The following DYNC2H1 variants were observed in gnomAD, a reference collection of about 807,000 sequenced individuals.
The protein encoded by DYNC2H1 is cytoplasmic dynein 2 heavy chain 1.
A neutral mutation model predicts 570.0 loss-of-function variants in DYNC2H1; 410 were observed. That is an observed-to-expected ratio of 0.72 (90% CI 0.66 to 0.78). The LOEUF is 0.78. Ranked by LOEUF, DYNC2H1 falls within the 30% of genes least tolerant of loss-of-function variation. DYNC2H1 has a pLI of 0.00. For synonymous variants in DYNC2H1, 1,688 were observed against 1,677.6 expected, an observed-to-expected ratio of 1.01 and a Z score of -0.15; for missense variants, 4,865 against 5,046.4, an observed-to-expected ratio of 0.96 and a Z score of 1.09.
At chr11:103,235,583 C>T in intron 61 of DYNC2H1, 89 bp from the exon 62 acceptor site, 2 of 1,244,848 alleles carry the variant, frequency 1.6e-6, no homozygotes, top group East Asian at 5.1e-5. Flanking sequence ...TGATTTTCCC[C>T]CTCACAGTCA....
intron 82 of DYNC2H1, among the ~76,000 whole-genome samples, chr11:103,355,646 A>G (rs559221109): frequency 6.6e-6 from 1 of 152,314 alleles, no homozygotes; most frequent in South Asian, 2.1e-4. Context: ...TGGTCTTTGA[A>G]ATAAGAACAG....
At position 103,385,718 on chromosome 11, in the gene DYNC2H1, C is replaced by T. The variant is rs116227667; in HGVS notation, c.12157-13945C>T. ...GAATCATCTCTAGGTCATCTGGCTC[C>T]TGGAGAGATTTTATTTACGTACCAC... On this transcript the variant is annotated intron_variant, in intron 83 of 88. Coordinates refer to ENST00000375735, the MANE Select transcript of DYNC2H1 (RefSeq NM_001377.3). 2.6e-3 allele frequency among the ~76,000 whole-genome samples: 399 copies of T among 152,280 alleles called. 4 individuals are homozygous for T. The highest frequency in any genetic ancestry group is 8.8e-3 in the African/African-American group (367 of 41,552).
intron 82 of DYNC2H1, among the ~76,000 whole-genome samples, chr11:103,356,166 A>G (rs1940326635): frequency 1.3e-5 from 2 of 152,228 alleles, no homozygotes; most frequent in South Asian, 2.1e-4. Flanking sequence ...TGAAAAAATT[A>G]TATTTAACTG....
chr11:103,310,810 C>T (rs1454502398), intron 78 of DYNC2H1, among the ~76,000 whole-genome samples: 1 of 150,322 alleles, frequency 6.7e-6, no homozygotes, highest in African/African-American at 2.4e-5. Context: ...CCTGCCTCAT[C>T]CTGCTGAGCA....
At chr11:103,131,528 TC>T (rs35960589) in intron 13 of DYNC2H1, among the ~76,000 whole-genome samples, 1 of 151,974 alleles carries the variant, frequency 6.6e-6, no homozygotes, top group African/African-American at 2.4e-5. Context: ...TTCTTTTTTT[TC>T]CCTGAAGTTC....
rs1319179494 is a variant in DYNC2H1, at chr11:103,249,624, T to C, written c.10043-3661T>C. 2.0e-5 allele frequency among the ~76,000 whole-genome samples: 3 copies of C among 152,172 alleles called. No individual in the cohort carries two copies. Among genetic ancestry groups the C allele is most frequent in the Non-Finnish European group, 1.5e-5 (1 of 67,960 alleles). ...AAAGCAGCACCTGACTACTCTAGAC[T>C]GAGATCTGGCCAGATTCTAATAGCT... On this transcript the variant is annotated intron_variant, in intron 65 of 88. Transcript: ENST00000375735. The surrounding 1 kb of genome is among the most constrained non-coding windows in gnomAD (Gnocchi z 4.6).
intron 65 of DYNC2H1, among the ~76,000 whole-genome samples, chr11:103,247,514 C>T (rs1049666977): frequency 6.6e-6 from 1 of 151,996 alleles, no homozygotes; most frequent in Admixed American, 6.6e-5. Flanking sequence ...GTTTTGTCTC[C>T]CAGAGAATAT....
At chr11:103,292,324 A>G (rs1030706791) in intron 75 of DYNC2H1, among the ~76,000 whole-genome samples, 4 of 152,056 alleles carry the variant, frequency 2.6e-5, no homozygotes, top group Non-Finnish European at 5.9e-5. Flanking sequence ...TAAACTGATG[A>G]CAACTTAACT....
At chr11:103,126,070 T>C (rs1194282999) in intron 12 of DYNC2H1, among the ~76,000 whole-genome samples, 2 of 152,218 alleles carry the variant, frequency 1.3e-5, no homozygotes, top group Non-Finnish European at 2.9e-5. Context: ...TTCTTTGACT[T>C]GATTATTATA....
chr11:103,358,536 C>T (rs980350888), intron 83 of DYNC2H1, among the ~76,000 whole-genome samples, 177 bp downstream of exon 83: 1 of 152,084 alleles, frequency 6.6e-6, no homozygotes, highest in Admixed American at 6.5e-5. Context: ...GTATTTTTTA[C>T]TCTCTCTTTT....
At chr11:103,317,466 G>A (rs1298654409) in intron 80 of DYNC2H1, among the ~76,000 whole-genome samples, 2 of 151,886 alleles carry the variant, frequency 1.3e-5, no homozygotes, top group Non-Finnish European at 2.9e-5. Context: ...CAATGTGTTG[G>A]CAGTCCAAGC....
chr11:103,415,111 A>G (rs908087321), intron 84 of DYNC2H1, among the ~76,000 whole-genome samples: 1 of 152,246 alleles, frequency 6.6e-6, no homozygotes, highest in Non-Finnish European at 1.5e-5. Flanking sequence ...CTGGCTAGCC[A>G]TATGTAGAAA....
At position 103,210,714 on chromosome 11, in the gene DYNC2H1, G is replaced by A. The variant is rs74630488; in HGVS notation, c.8539+754G>A. Among the ~76,000 whole-genome samples the A allele has an allele frequency of 1.1e-3, 173 of 152,144 alleles. 1 individual carries two copies. In the East Asian group the frequency reaches 0.032, roughly 28 times the overall value. On this transcript the variant is annotated intron_variant, in intron 53 of 88. Transcript: ENST00000375735. ...TTGAGAAAGTCATTCTGGTTAGAGT[G>A]AGTAACATGGGAAAGGTTTGGAAAA...
intron 46 of DYNC2H1, 52 bp downstream of exon 46, chr11:103,191,671 T>C: frequency 1.9e-6 from 2 of 1,054,836 alleles, no homozygotes; most frequent in Non-Finnish European, 2.7e-6. Context: ...TGCACATTTA[T>C]TCTCTAGATT....
intron 81 of DYNC2H1, 87 bp from the exon 82 acceptor site, chr11:103,323,799 C>G: frequency 1.0e-6 from 1 of 971,512 alleles, no homozygotes; most frequent in East Asian, 2.8e-5. Context: ...AATAATTGAA[C>G]ATTTCAAAGT....
chr11:103,457,916 T>G (rs1944852165), intron 87 of DYNC2H1, among the ~76,000 whole-genome samples: 1 of 152,206 alleles, frequency 6.6e-6, no homozygotes, highest in South Asian at 2.1e-4. Context: ...TAAATAACAC[T>G]TAGCTTAAAA....
At chr11:103,187,668 T>A in intron 43 of DYNC2H1, 82 bp downstream of exon 43, 1 of 1,504,432 alleles carries the variant, frequency 6.6e-7, no homozygotes, top group Non-Finnish European at 8.9e-7. Context: ...TATTCATTCT[T>A]CATTTGGGGC....
chr11:103,314,815 T>C (rs1200874960), intron 79 of DYNC2H1, among the ~76,000 whole-genome samples: 1 of 151,970 alleles, frequency 6.6e-6, no homozygotes, highest in Non-Finnish European at 1.5e-5. Context: ...GGTATATATA[T>C]TAAGCAATAT....
At chr11:103,164,922 G>A (rs539544134) in intron 30 of DYNC2H1, among the ~76,000 whole-genome samples, 2 of 152,200 alleles carry the variant, frequency 1.3e-5, no homozygotes, top group South Asian at 2.1e-4. Flanking sequence ...CTTGAAGGTA[G>A]CAAAGGAACA....
Sources: gnomAD v4.1 joint callset for allele counts (sites outside exome capture counted in the v4.1 genomes callset) on GRCh38, gnomAD v4.1.1 for gene constraint, Gnocchi (gnomAD v3.1) non-coding constraint, MANE v1.5 for transcripts, NCBI Gene and HGNC (gene_info 2026-07-23, HGNC 2026-07-21) for gene names.